Variants in SCAI observed in about 807,000 individuals in gnomAD.
The protein encoded by SCAI is protein SCAI.
SCAI carries 24 observed loss-of-function variants against 92.2 expected under a neutral mutation model. That is an observed-to-expected ratio of 0.26 (90% CI 0.19 to 0.37). The LOEUF is 0.37. SCAI is among the 10% of genes least tolerant of loss of function. SCAI has a pLI of 1.00. For synonymous variants in SCAI, 261 were observed against 258.6 expected, an observed-to-expected ratio of 1.01 and a Z score of -0.09; for missense variants, 450 against 736.2, an observed-to-expected ratio of 0.61 and a Z score of 4.50.
chr9:125,128,682 G>A (rs972610836), intron 2 of SCAI, among the ~76,000 whole-genome samples: 3 of 151,960 alleles, frequency 2.0e-5, no homozygotes, highest in African/African-American at 7.3e-5. Flanking sequence ...GAACCCAGGA[G>A]GCAGAGCTTG....
intron 2 of SCAI, among the ~76,000 whole-genome samples, chr9:125,140,690 C>CA (rs35807255): frequency 0.076 from 5,827 of 76,478 alleles, 540 homozygotes; most frequent in African/African-American, 0.22. Flanking sequence ...CTTGTCTCTA[C>CA]AAAAAAAAAA....
At chr9:124,992,677 C>T (rs558775364) in intron 14 of SCAI, among the ~76,000 whole-genome samples, 17 of 152,302 alleles carry the variant, frequency 1.1e-4, no homozygotes, top group African/African-American at 2.6e-4. Flanking sequence ...AGCCACTGCA[C>T]GCCTGGCCTC....
chr9:125,114,057 C>A (rs1428547077), intron 2 of SCAI, among the ~76,000 whole-genome samples: 1 of 152,156 alleles, frequency 6.6e-6, no homozygotes, highest in African/African-American at 2.4e-5. Context: ...ACTGTGTGCT[C>A]AGGTGCCTTG....
chr9:125,111,923 G>C lies in SCAI; in HGVS notation c.98+30710C>G, dbSNP rs201022197. Among the ~76,000 whole-genome samples the C allele has an allele frequency of 5.3e-5, 8 of 152,252 alleles. No homozygotes were observed. The East Asian group carries it at 1.5e-3, about 29-fold the overall frequency. On this transcript the variant is annotated intron_variant, in intron 2 of 17. Coordinates refer to ENST00000336505, the MANE Select transcript of SCAI (RefSeq NM_001144877.3). ...TGTAGAGGAGAAAGCTGCACAGAGAGAAAATATTAGAGATCTAGGGAGAGT... is the reference window on the plus strand; with the variant it reads ...TGTAGAGGAGAAAGCTGCACAGAGACAAAATATTAGAGATCTAGGGAGAGT...
At chr9:125,095,225 C>T (rs1465249699) in intron 2 of SCAI, among the ~76,000 whole-genome samples, 1 of 152,218 alleles carries the variant, frequency 6.6e-6, no homozygotes, top group East Asian at 1.9e-4. Flanking sequence ...TCCACGTTAG[C>T]TCCAGAGCTC....
At chr9:125,076,194 T>C (rs1834086730) in intron 2 of SCAI, among the ~76,000 whole-genome samples, 1 of 151,988 alleles carries the variant, frequency 6.6e-6, no homozygotes, top group Non-Finnish European at 1.5e-5. Flanking sequence ...ACAATAAAAA[T>C]AACTCATTGA....
At chr9:125,126,162 G>A (rs1835268347) in intron 2 of SCAI, among the ~76,000 whole-genome samples, 1 of 152,168 alleles carries the variant, frequency 6.6e-6, no homozygotes, top group Non-Finnish European at 1.5e-5. Context: ...ACTAGAGTAG[G>A]AGGATCCCTG....
In SCAI at chr9:125,002,543, C is replaced by T. The variant is rs141390411; in HGVS notation, c.1066-500G>A. Among the ~76,000 whole-genome samples, 87 of 132,204 alleles carry T rather than the reference C, an allele frequency of 6.6e-4. No homozygotes were observed. The East Asian group carries it at 0.018, about 28-fold the overall frequency. The allele number at this position is 132,204 out of a possible 152,430, so 86.7% of individuals were successfully genotyped here. Reference sequence around the variant, plus strand: ...TGTTGCCCAGGTTGGAGTGCAATGGCGCGATCTCGGCTCACCGCAGCCTCC... The same window carrying T: ...TGTTGCCCAGGTTGGAGTGCAATGGTGCGATCTCGGCTCACCGCAGCCTCC... On this transcript the variant is annotated intron_variant, in intron 11 of 17. Transcript: ENST00000336505.
chr9:125,055,340 G>A (rs1255810960), intron 3 of SCAI, among the ~76,000 whole-genome samples: 1 of 152,026 alleles, frequency 6.6e-6, no homozygotes, highest in Non-Finnish European at 1.5e-5. Flanking sequence ...CTGAAATACA[G>A]GTTAAATCAT....
chr9:125,075,341 G>A (rs912514564), intron 2 of SCAI, among the ~76,000 whole-genome samples: 1 of 151,752 alleles, frequency 6.6e-6, no homozygotes, highest in African/African-American at 2.4e-5. Context: ...TCACCAATCA[G>A]CAAGCTATTA....
rs1257324253 is a variant in SCAI at position 124,947,153 on chromosome 9, C to T, written c.*5654G>A. ...GAATATATTTCCCCTATTTAATGGACATTTTCCTATGTTTTTAAATGTGAT... is the reference window on the plus strand; with the variant it reads ...GAATATATTTCCCCTATTTAATGGATATTTTCCTATGTTTTTAAATGTGAT... On this transcript the variant is annotated 3_prime_UTR_variant, in exon 18 of 18. Coordinates refer to ENST00000336505, the MANE Select transcript of SCAI (RefSeq NM_001144877.3). 6.6e-6 allele frequency: 1 copy of T among 152,124 alleles called. No homozygotes were observed. The highest frequency in any genetic ancestry group is 2.4e-5 in the African/African-American group (1 of 41,438). 9.4% of individuals were successfully genotyped at this position (152,124 alleles called of 1,614,324 possible).
In SCAI at chr9:124,971,414, A is replaced by G; in HGVS notation, c.1630T>C (p.Phe544Leu). 6.2e-7 allele frequency: 1 copy of G among 1,613,390 alleles called. No homozygotes were observed. Among genetic ancestry groups the G allele is most frequent in the Non-Finnish European group, 8.5e-7 (1 of 1,179,798 alleles). Reference sequence around the variant, plus strand: ...CTCATGGTGGCTGAACAAAAGATAAATCTTGTGAGGAGCAAGCGAAGAAAT... The same window carrying G: ...CTCATGGTGGCTGAACAAAAGATAAGTCTTGTGAGGAGCAAGCGAAGAAAT... ...DEFLRLLLTR[F>L]IFCSATMRMH... The change falls in exon 17 of 18, where the codon TTT becomes CTT. Residue 544 changes from phenylalanine (F) to leucine (L), a missense_variant. Coordinates refer to ENST00000336505, the MANE Select transcript of SCAI (RefSeq NM_001144877.3).
chr9:124,991,985 C>T (rs907271955), intron 14 of SCAI, among the ~76,000 whole-genome samples: 2 of 152,112 alleles, frequency 1.3e-5, no homozygotes, highest in Non-Finnish European at 2.9e-5. Context: ...GGCACGATCG[C>T]AGCTCATGCA....
intron 2 of SCAI, among the ~76,000 whole-genome samples, chr9:125,114,214 G>A (rs1834990978): frequency 6.6e-6 from 1 of 152,138 alleles, no homozygotes; most frequent in Admixed American, 6.5e-5. Context: ...TTTCAATAAT[G>A]TCACATCTTG....
chr9:125,086,458 G>A (rs530170362), intron 2 of SCAI, among the ~76,000 whole-genome samples: 1 of 152,284 alleles, frequency 6.6e-6, no homozygotes, highest in Non-Finnish European at 1.5e-5. Flanking sequence ...GTCTCAGAGG[G>A]AATGCTGAAT....
chr9:124,974,158 A>G (rs1418249998), intron 15 of SCAI: 3 of 426,248 alleles, frequency 7.0e-6, no homozygotes, highest in African/African-American at 6.2e-5. Flanking sequence ...TGCTATCTCC[A>G]GTGCCCAGCA....
chr9:125,092,131 TAAAAAAAAAAAAAAAAAAAAAAAA>T (rs71374225), intron 2 of SCAI, among the ~76,000 whole-genome samples: 37 of 61,142 alleles, frequency 6.1e-4, no homozygotes, highest in African/African-American at 1.3e-3. Flanking sequence ...CTCCGTCTCT[TAAAAAAAAAAAAAAAAAAAAAAAA>T]AAAAAAAAAA....
Position 125,018,934 on chromosome 9 carries a change from T to C in SCAI, c.726A>G (p.Val242=). 2 of 1,613,684 alleles carry C rather than the reference T, an allele frequency of 1.2e-6. No homozygotes were observed. Among genetic ancestry groups the C allele is most frequent in the Non-Finnish European group, 1.7e-6 (2 of 1,179,908 alleles). ...AAFIEADPVM[V]LNDDNTIVIT... Reference sequence around the variant, plus strand: ...TAACAATGGTATTATCATCATTTAATACCATTACAGGATCCGCCTAAAGAA... The same window carrying C: ...TAACAATGGTATTATCATCATTTAACACCATTACAGGATCCGCCTAAAGAA... The change falls in exon 9 of 18, where the codon GTA becomes GTG. Residue 242 remains valine, a synonymous_variant. Coordinates refer to ENST00000336505, the MANE Select transcript of SCAI (RefSeq NM_001144877.3).
At chr9:125,015,452 TCA>T (rs1832737966) in intron 9 of SCAI, among the ~76,000 whole-genome samples, 2 of 151,784 alleles carry the variant, frequency 1.3e-5, no homozygotes, top group Admixed American at 1.3e-4. Flanking sequence ...TCACTAGCCA[TCA>T]GAGAAATGCA....
Sources: allele counts gnomAD v4.1 joint callset (sites outside exome capture counted in the v4.1 genomes callset), GRCh38; gene constraint gnomAD v4.1.1; transcripts MANE v1.5; gene names NCBI Gene and HGNC (gene_info 2026-07-23, HGNC 2026-07-21).